The following MLKL variants were observed in gnomAD, a reference collection of about 807,000 sequenced individuals.
MLKL encodes mixed lineage kinase domain-like protein.
A neutral mutation model predicts 56.5 loss-of-function variants in MLKL; 55 were observed. That is an observed-to-expected ratio of 0.97 (90% CI 0.78 to 1.22). MLKL has a LOEUF of 1.22. MLKL is among the 50% of genes most tolerant of loss of function. MLKL has a pLI of 0.00. For missense variants in MLKL, 694 were observed against 573.9 expected, an observed-to-expected ratio of 1.21 and a Z score of -2.14; for synonymous variants, 251 against 208.3, an observed-to-expected ratio of 1.20 and a Z score of -1.76.
In MLKL at chr16:74,675,417, C is replaced by A; in HGVS notation, c.1191-13G>T. ...GACGATTCCAAAGCTAAAAGAAAAC[C>A]AAGAAACTGAACAACCATAACTAGT... On this transcript the variant is annotated splice_polypyrimidine_tract_variant and intron_variant, in intron 8 of 10. Transcript: ENST00000308807. 6.2e-7 allele frequency: 1 copy of A among 1,613,004 alleles called. No homozygotes were observed. The highest frequency in any genetic ancestry group is 8.5e-7 in the Non-Finnish European group (1 of 1,179,844).
intron 1 of MLKL, among the ~76,000 whole-genome samples, chr16:74,698,692 T>C (rs1020676451): frequency 2.0e-5 from 3 of 152,232 alleles, no homozygotes; most frequent in Admixed American, 2.0e-4. Flanking sequence ...CCAGTTATCT[T>C]ACCAGCAGCC....
chr16:74,693,453 C>CAAAAAAAAAAAAAAA (rs71158538), intron 2 of MLKL, among the ~76,000 whole-genome samples: 1 of 35,394 alleles, frequency 2.8e-5, no homozygotes, highest in African/African-American at 1.1e-4. Flanking sequence ...GACTCTGTCT[C>CAAAAAAAAAAAAAAA]AAAAAAAAAA....
At chr16:74,673,349 T>C (rs1268807829) in intron 10 of MLKL, among the ~76,000 whole-genome samples, 2 of 152,106 alleles carry the variant, frequency 1.3e-5, no homozygotes, top group East Asian at 1.9e-4. Flanking sequence ...TCCTGAGTAG[T>C]TGGGATTACC....
At chr16:74,692,091 T>C (rs980860765) in intron 3 of MLKL, among the ~76,000 whole-genome samples, 1 of 152,226 alleles carries the variant, frequency 6.6e-6, no homozygotes, top group Non-Finnish European at 1.5e-5. Flanking sequence ...TTTGATTCTA[T>C]TCATAGAGGT....
chr16:74,676,362 C>G, intron 7 of MLKL: 1 of 985,498 alleles, frequency 1.0e-6, no homozygotes, highest in Non-Finnish European at 1.2e-6. Context: ...CCCATGCACA[C>G]CTGCCATTGA....
chr16:74,682,599 AGT>A, intron 6 of MLKL, 50 bp downstream of exon 6: 1 of 1,605,066 alleles, frequency 6.2e-7, no homozygotes, highest in Non-Finnish European at 8.5e-7. Context: ...GAGTATCAGG[AGT>A]GTGGACAGAC....
chr16:74,695,770 T>G lies in MLKL; in HGVS notation c.-2-11A>C, dbSNP rs561189312. On this transcript the variant is annotated splice_polypyrimidine_tract_variant and intron_variant, in intron 1 of 10. Transcript: ENST00000308807. ...TCAAATTTTCCATGCCTGGAAGAAA[T>G]GAATGGAATTTGGTGAAATCCCCAA... The G allele has an allele frequency of 1.8e-5, 29 of 1,572,382 alleles. 1 individual carries two copies. Among genetic ancestry groups the G allele is most frequent in the Admixed American group, 7.5e-5 (4 of 53,452 alleles).
intron 7 of MLKL, chr16:74,676,613 G>T: frequency 2.9e-6 from 1 of 346,812 alleles, no homozygotes; most frequent in Non-Finnish European, 4.1e-6. Context: ...GAGCGTGAGA[G>T]TAGTAGAAAC....
In MLKL at chr16:74,672,478, G is replaced by C; in HGVS notation, c.*26C>G. On this transcript the variant is annotated 3_prime_UTR_variant, in exon 11 of 11. Coordinates refer to ENST00000308807, the MANE Select transcript of MLKL (RefSeq NM_152649.4). ...TGCCTCTCCCAGCTTCTTGTCCAGAGACTCCTTGGTTTAGATTTTGATACA... is the reference window on the plus strand; with the variant it reads ...TGCCTCTCCCAGCTTCTTGTCCAGACACTCCTTGGTTTAGATTTTGATACA... The C allele has an allele frequency of 6.2e-7, 1 of 1,607,948 alleles. No individual in the cohort carries two copies. Among genetic ancestry groups the C allele is most frequent in the Non-Finnish European group, 8.5e-7 (1 of 1,174,660 alleles).
chr16:74,695,893 G>C (rs1031798257), intron 1 of MLKL, 134 bp from the exon 2 acceptor site: 11 of 795,330 alleles, frequency 1.4e-5, no homozygotes, highest in Non-Finnish European at 1.9e-5. Context: ...GCAAGATAGA[G>C]ATGGTTTGCT....
At chr16:74,691,804 G>A (rs1172243382) in intron 3 of MLKL, among the ~76,000 whole-genome samples, 1 of 152,110 alleles carries the variant, frequency 6.6e-6, no homozygotes, top group Non-Finnish European at 1.5e-5. Context: ...TGGCACTTGA[G>A]CATCTGGCAT....
At chr16:74,677,692 T>G (rs1238394011) in intron 7 of MLKL, 1 of 152,332 alleles carries the variant, frequency 6.6e-6, no homozygotes, top group African/African-American at 2.4e-5. Flanking sequence ...TTCTTTTTTT[T>G]TGGAGATGGA....
intron 2 of MLKL, among the ~76,000 whole-genome samples, chr16:74,694,046 G>A (rs1013371260): frequency 2.6e-5 from 4 of 152,116 alleles, no homozygotes; most frequent in Admixed American, 2.0e-4. Flanking sequence ...TGCCAAGTAG[G>A]AAAACAAGCT....
chr16:74,685,635 G>C (rs1039552202), intron 4 of MLKL, 52 bp from the exon 5 acceptor site: 5 of 1,449,348 alleles, frequency 3.4e-6, no homozygotes, highest in Non-Finnish European at 4.8e-6. Flanking sequence ...AGGTTCCTTA[G>C]AGAACATTCA....
At chr16:74,687,362 C>T (rs1415947768) in intron 4 of MLKL, among the ~76,000 whole-genome samples, 1 of 151,984 alleles carries the variant, frequency 6.6e-6, no homozygotes, top group Non-Finnish European at 1.5e-5. Flanking sequence ...GTAACATTTT[C>T]CAAATTGACC....
intron 10 of MLKL, among the ~76,000 whole-genome samples, chr16:74,673,573 A>T (rs1959374414): frequency 6.6e-6 from 1 of 151,974 alleles, no homozygotes; most frequent in South Asian, 2.1e-4. Flanking sequence ...GGTCTAGGGT[A>T]TGAGAGAGAG....
intron 5 of MLKL, among the ~76,000 whole-genome samples, chr16:74,685,036 T>C (rs1036434917): frequency 5.0e-4 from 76 of 152,080 alleles, no homozygotes; most frequent in African/African-American, 1.8e-3. Flanking sequence ...AGCTAATTTT[T>C]GTATTTTAGT....
rs149398905 is a variant in MLKL at position 74,689,505 on chromosome 16, T to C, written c.722+1772A>G. ...TATATCTCAATAAAACTGTTAAAAATACAGTCTCAATGAAAATCTTGATGT... is the reference window on the plus strand; with the variant it reads ...TATATCTCAATAAAACTGTTAAAAACACAGTCTCAATGAAAATCTTGATGT... On this transcript the variant is annotated intron_variant, in intron 4 of 10. Coordinates refer to ENST00000308807, the MANE Select transcript of MLKL (RefSeq NM_152649.4). Among the ~76,000 whole-genome samples the C allele has an allele frequency of 1.6e-4, 25 of 152,336 alleles. No homozygotes were observed. The East Asian group carries it at 4.8e-3, about 29-fold the overall frequency.
rs114450873 is a variant in MLKL at position 74,678,775 on chromosome 16, C to T, written c.1038+124G>A. ...CCAGCTTGGGTGACAGAAAGAGACT[C>T]TGTCTCTAAATAAATAAATAAATAA... On this transcript the variant is annotated intron_variant, in intron 7 of 10. Transcript: ENST00000308807. The T allele has an allele frequency of 4.9e-3, 3,533 of 720,098 alleles. 85 individuals are homozygous for T. In the African/African-American group the frequency reaches 0.055, roughly 11 times the overall value. 44.6% of individuals were successfully genotyped at this position (720,098 alleles called of 1,614,324 possible). A position where few individuals can be genotyped will look rare whatever the true frequency, so the allele number is the denominator to read the frequency against.
Sources: gnomAD v4.1 joint callset for allele counts (sites outside exome capture counted in the v4.1 genomes callset) on GRCh38, gnomAD v4.1.1 for gene constraint, MANE v1.5 for transcripts, NCBI Gene and HGNC (gene_info 2026-07-23, HGNC 2026-07-21) for gene names.